The following DISP3 variants were observed in gnomAD, a reference collection of about 807,000 sequenced individuals.
The protein encoded by DISP3 is protein dispatched homolog 3.
Under a neutral mutation model 135.3 loss-of-function variants are expected in DISP3, and 101 were observed. The ratio of observed to expected loss-of-function variants is 0.75; its 90% CI spans 0.64 to 0.88. The LOEUF (loss-of-function observed/expected upper bound fraction) is 0.88, where lower values mean the gene tolerates loss of function less well. Ranked by LOEUF, DISP3 falls within the 40% of genes least tolerant of loss-of-function variation. The pLI is 0.00. For synonymous variants in DISP3, 856 were observed against 817.0 expected (o/e 1.05, Z -0.81); for missense variants, 1,713 against 1,878.6 (o/e 0.91, Z 1.63).
chr1:11,484,986 C>T (rs1640996089), intron 1 of DISP3, among the ~76,000 whole-genome samples: 1 of 152,094 alleles, frequency 6.6e-6, no homozygotes, highest in South Asian at 2.1e-4. Flanking sequence ...TAGGTTGGTG[C>T]AAAAGTATAA....
chr1:11,536,893 C>T lies in DISP3; in HGVS notation c.*207C>T, dbSNP rs1215586392. 7.2e-6 allele frequency: 5 copies of T among 698,182 alleles called. No individual in the cohort carries two copies. The highest frequency in any genetic ancestry group is 3.3e-5 in the Admixed American group (1 of 30,754). The allele number at this position is 698,182 out of a possible 1,614,324, so 43.2% of individuals were successfully genotyped here. A position where few individuals can be genotyped will look rare whatever the true frequency, so the allele number is the denominator to read the frequency against. On this transcript the variant is annotated 3_prime_UTR_variant, in exon 21 of 21. Coordinates refer to ENST00000294484, the MANE Select transcript of DISP3 (RefSeq NM_020780.2). The surrounding 1 kb of genome is among the most constrained non-coding windows in gnomAD (Gnocchi z 4.3). ...TGGAGACAGCCGCCACCCCACAGGC[C>T]GGGCTACTGGCAGCCACACTCGGCT...
In DISP3 at chr1:11,520,714, C is replaced by T; in HGVS notation, c.2228C>T (p.Ser743Phe). The change falls in exon 10 of 21, where the codon TCC (serine) becomes TTC (phenylalanine). Residue 743 changes from serine to phenylalanine, a missense_variant. Coordinates refer to ENST00000294484, the MANE Select transcript of DISP3 (RefSeq NM_020780.2). This position sits in a 1 kb window ranked among gnomAD's most constrained non-coding sequence, Gnocchi z 4.8. ...VGLFVSILILSLVFASRLRPA... is the reference protein window; with the variant it reads ...VGLFVSILILFLVFASRLRPA... ...CTGTTCGTCTCCATCCTCATCTTGT[C>T]CCTGGTGTTCGCCAGCCGGCTCCGC... 6.2e-7 allele frequency: 1 copy of T among 1,613,374 alleles called. No homozygotes were observed. Among genetic ancestry groups the T allele is most frequent in the Non-Finnish European group, 8.5e-7 (1 of 1,180,000 alleles).
rs1303658146 is a variant in DISP3, at chr1:11,517,516, C to T, written c.1803C>T (p.Cys601=). 9 of 1,614,116 alleles carry T rather than the reference C, an allele frequency of 5.6e-6. No homozygotes were observed. Among genetic ancestry groups the T allele is most frequent in the South Asian group, 1.1e-5 (1 of 91,090 alleles). The change falls in exon 7 of 21, where the codon TGC becomes TGT. Residue 601 remains cysteine (C), a synonymous_variant. Transcript: ENST00000294484. ...GLFMSLIVSC[C]WLAVLVTMPA... ...TCATGTCTCTCATCGTGTCCTGTTG[C>T]TGGCTGGCCGTGCTTGTCACCATGC...
In DISP3 at chr1:11,499,419, G is replaced by A. The variant is rs1641436700; in HGVS notation, c.-3-1571G>A. 6.6e-6 allele frequency among the ~76,000 whole-genome samples: 1 copy of A among 152,146 alleles called. No individual in the cohort carries two copies. The highest frequency in any genetic ancestry group is 1.5e-5 in the Non-Finnish European group (1 of 68,036). On this transcript the variant is annotated intron_variant, in intron 1 of 20. Transcript: ENST00000294484. The surrounding 1 kb of genome is among the most constrained non-coding windows in gnomAD (Gnocchi z 5.2). ...TGCAGACTTGGTTTTTCCCTTTGGA[G>A]ATGGGGTGAGTCTGAGCTGCCTCCA...
At chr1:11,490,554 C>G (rs1014041277) in intron 1 of DISP3, among the ~76,000 whole-genome samples, 2 of 152,182 alleles carry the variant, frequency 1.3e-5, no homozygotes, top group Non-Finnish European at 1.5e-5. Flanking sequence ...CAGGCGTGAG[C>G]CACCGTGACC....
At chr1:11,512,870 C>T (rs1641895940) in intron 3 of DISP3, among the ~76,000 whole-genome samples, 1 of 152,048 alleles carries the variant, frequency 6.6e-6, no homozygotes, top group South Asian at 2.1e-4. Flanking sequence ...TGGCAGGAGG[C>T]AAAAGGCACT....
rs1335470976 is a variant in DISP3 at position 11,536,461 on chromosome 1, C to T, written c.3954C>T (p.Phe1318=). The part of the protein sequence containing the change: ...FFCIIAPFAK[F]GKIVALNTGV... The stretch of plus-strand genomic sequence containing the variant: ...GCATCATCGCCCCATTTGCCAAGTT[C>T]GGCAAGATTGTGGCACTCAACACGG... Residue 1318 remains phenylalanine, a synonymous_variant, in exon 21 of 21, where the codon TTC becomes TTT. Transcript: ENST00000294484. This position sits in a 1 kb window ranked among gnomAD's most constrained non-coding sequence, Gnocchi z 4.3. The T allele has an allele frequency of 1.7e-5, 27 of 1,613,600 alleles. 1 individual carries two copies. The highest frequency in any genetic ancestry group is 8.3e-5 in the Admixed American group (5 of 60,016).
intron 2 of DISP3, 39 bp downstream of exon 2, chr1:11,502,127 G>T: frequency 6.6e-7 from 1 of 1,522,138 alleles, no homozygotes. Context: ...GTAGGTCCAG[G>T]TTTCATACAG....
intron 3 of DISP3, among the ~76,000 whole-genome samples, chr1:11,503,501 C>A (rs1641612101): frequency 2.6e-5 from 4 of 152,156 alleles, no homozygotes; most frequent in African/African-American, 9.7e-5. Flanking sequence ...GGCATAAGTC[C>A]TGGAGTCCGA....
intron 4 of DISP3, among the ~76,000 whole-genome samples, chr1:11,514,817 G>T (rs538765452): frequency 3.7e-4 from 57 of 152,288 alleles, no homozygotes; most frequent in African/African-American, 1.3e-3. Flanking sequence ...TGGGGAGTCT[G>T]GGGTATTGTA....
At chr1:11,530,436 G>C (rs896387874) in intron 15 of DISP3, among the ~76,000 whole-genome samples, 1 of 152,218 alleles carries the variant, frequency 6.6e-6, no homozygotes, top group Non-Finnish European at 1.5e-5. Context: ...GGTGTCCTTT[G>C]CCTTTATTAG....
intron 10 of DISP3, among the ~76,000 whole-genome samples, chr1:11,521,309 G>A (rs1347571078): frequency 7.3e-6 from 1 of 137,678 alleles, no homozygotes; most frequent in East Asian, 2.3e-4. Context: ...GGGAAGGGGT[G>A]GGGTTAACCA....
rs991758765 is a variant in DISP3, at chr1:11,536,689, C to T, written c.*3C>T. On this transcript the variant is annotated 3_prime_UTR_variant, in exon 21 of 21. Transcript: ENST00000294484. The surrounding 1 kb of genome is among the most constrained non-coding windows in gnomAD (Gnocchi z 4.3). ...TGCCCGCAGGGGCCTCCCTATAGCCCGGGACGGGCTCTGGACACTTGCACC... is the reference window on the plus strand; with the variant it reads ...TGCCCGCAGGGGCCTCCCTATAGCCTGGGACGGGCTCTGGACACTTGCACC... 1.1e-5 allele frequency: 17 copies of T among 1,549,018 alleles called. No homozygotes were observed. Among genetic ancestry groups the T allele is most frequent in the African/African-American group, 2.8e-5 (2 of 72,710 alleles).
chr1:11,495,427 C>T (rs1228872178), intron 1 of DISP3, among the ~76,000 whole-genome samples: 1 of 152,110 alleles, frequency 6.6e-6, no homozygotes, highest in Admixed American at 6.5e-5. Context: ...AATAGCTCTC[C>T]TATTTTGGCA....
chr1:11,525,432 C>A lies in DISP3; in HGVS notation c.2613+120C>A. On this transcript the variant is annotated intron_variant, in intron 12 of 20. Transcript: ENST00000294484. Reference sequence around the variant, plus strand: ...GGAGAAGCAGCTTTGAGGATGAAGACCCCCCTCCCCTAAACCAGCCATGTC... The same window carrying A: ...GGAGAAGCAGCTTTGAGGATGAAGAACCCCCTCCCCTAAACCAGCCATGTC... The A allele has an allele frequency of 4.0e-6, 5 of 1,238,846 alleles. No homozygotes were observed. The South Asian group carries it at 5.0e-5, about 12-fold the overall frequency. 76.7% of individuals were successfully genotyped at this position (1,238,846 alleles called of 1,614,324 possible).
rs768166185 is a variant in DISP3 at position 11,502,086 on chromosome 1, G to A, written c.1094G>A (p.Arg365Gln). The A allele has an allele frequency of 1.0e-5, 16 of 1,546,820 alleles. No homozygotes were observed. The highest frequency in any genetic ancestry group is 8.0e-5 in the Admixed American group (4 of 50,046). ...ATGGGCCAGGACCTGGCGGACATCC[G>A]GGGTGAGCCGCCGGGATGCTGGGAG... ...DGMGQDLADI[R>Q]GSLELAMTHP... Residue 365 changes from arginine to glutamine, a missense_variant and splice_region_variant, in exon 2 of 21, where the codon CGG (arginine) becomes CAG (glutamine). This residue lies in a region of DISP3 where 1,142 missense variants were observed against 1,384.6 expected (regional missense o/e 0.82). Coordinates refer to ENST00000294484, the MANE Select transcript of DISP3 (RefSeq NM_020780.2).
At chr1:11,508,510 G>C (rs1641768099) in intron 3 of DISP3, among the ~76,000 whole-genome samples, 1 of 151,942 alleles carries the variant, frequency 6.6e-6, no homozygotes, top group Non-Finnish European at 1.5e-5. Flanking sequence ...AATTGTAGTG[G>C]TGTCACCTTC....
chr1:11,513,665 A>G (rs1029742547), intron 3 of DISP3, among the ~76,000 whole-genome samples: 8 of 152,280 alleles, frequency 5.3e-5, no homozygotes, highest in African/African-American at 1.9e-4. Flanking sequence ...TATAGTTTTC[A>G]TCAAGTTTGG....
intron 1 of DISP3, among the ~76,000 whole-genome samples, chr1:11,495,378 G>A (rs1272848463): frequency 6.6e-6 from 1 of 152,062 alleles, no homozygotes; most frequent in African/African-American, 2.4e-5. Context: ...GTGACAGAGC[G>A]AGACTCTGTC....
Sources: gnomAD v4.1 joint callset for allele counts (sites outside exome capture counted in the v4.1 genomes callset) on GRCh38, gnomAD v4.1.1 for gene constraint, gnomAD v4.1.1 regional missense constraint, Gnocchi (gnomAD v3.1) non-coding constraint, MANE v1.5 for transcripts, NCBI Gene and HGNC (gene_info 2026-07-23, HGNC 2026-07-21) for gene names.